ZDHHC7: variants seen among roughly 807,000 people sequenced by gnomAD.
ZDHHC7 encodes the protein palmitoyltransferase ZDHHC7.
A neutral mutation model predicts 34.1 loss-of-function variants in ZDHHC7; 12 were observed. That is an observed-to-expected ratio of 0.35 (90% CI 0.23 to 0.57). ZDHHC7 has a LOEUF of 0.57. Ranked by LOEUF, ZDHHC7 falls within the 20% of genes least tolerant of loss-of-function variation. The probability of loss-of-function intolerance (pLI) is 0.84; values close to 1 mark genes in which losing one functional copy is unlikely to be tolerated. For missense variants in ZDHHC7, 388 were observed against 402.7 expected, an observed-to-expected ratio of 0.96 and a Z score of 0.31; for synonymous variants, 185 against 155.4, an observed-to-expected ratio of 1.19 and a Z score of -1.42.
intron 1 of ZDHHC7, among the ~76,000 whole-genome samples, chr16:84,996,988 T>C (rs2072587397): frequency 1.3e-5 from 2 of 148,694 alleles, no homozygotes; most frequent in African/African-American, 5.0e-5. Flanking sequence ...ATGGCACCAC[T>C]GCACTCCAGC....
chr16:85,020,957 T>G, the ZDHHC7 span, among the ~76,000 whole-genome samples: 12 of 151,746 alleles, frequency 7.9e-5, no homozygotes, highest in African/African-American at 2.9e-4. Flanking sequence ...ATACAAAAAT[T>G]AGCCAGTTAA....
chr16:85,009,498 G>C (rs535961958), intron 1 of ZDHHC7, among the ~76,000 whole-genome samples: 1 of 150,976 alleles, frequency 6.6e-6, no homozygotes, highest in East Asian at 1.9e-4. Context: ...AATGGTAGCA[G>C]AAGAGTTCCC....
At chr16:84,993,108 A>G (rs1211730978) in intron 2 of ZDHHC7, among the ~76,000 whole-genome samples, 1 of 152,186 alleles carries the variant, frequency 6.6e-6, no homozygotes, top group Non-Finnish European at 1.5e-5. Context: ...GGATCATTTG[A>G]GCCCAGAAGT....
At chr16:84,983,783 C>T (rs892635948) in intron 3 of ZDHHC7, among the ~76,000 whole-genome samples, 20 of 151,838 alleles carry the variant, frequency 1.3e-4, no homozygotes, top group Middle Eastern at 3.4e-3. Flanking sequence ...GGGTGGATCA[C>T]GAGGTTAGGA....
intron 3 of ZDHHC7, among the ~76,000 whole-genome samples, chr16:84,983,523 TGA>T (rs1319385206): frequency 6.6e-6 from 1 of 152,056 alleles, no homozygotes; most frequent in East Asian, 1.9e-4. Flanking sequence ...AGGGCAAATG[TGA>T]GTGTTGACTG....
the ZDHHC7 span, among the ~76,000 whole-genome samples, chr16:85,018,284 A>T: frequency 5.3e-5 from 8 of 152,164 alleles, no homozygotes; most frequent in Admixed American, 4.6e-4. Context: ...AAAAGAGGCA[A>T]AACTGATCTT....
chr16:85,015,800 G>A (rs1032270234), upstream of ZDHHC7, among the ~76,000 whole-genome samples: 1 of 151,182 alleles, frequency 6.6e-6, no homozygotes, highest in South Asian at 2.1e-4. Flanking sequence ...TCCCACCACT[G>A]CACTCCAGCT....
At chr16:85,011,985 T>TGA (rs1435697569), upstream of ZDHHC7, among the ~76,000 whole-genome samples, 2 of 151,036 alleles carry the variant, frequency 1.3e-5, no homozygotes, top group Non-Finnish European at 2.9e-5. Flanking sequence ...GCCTGACTCC[T>TGA]GAGGTCCGCG....
chr16:84,986,447 T>G (rs1808958269), intron 3 of ZDHHC7, among the ~76,000 whole-genome samples: 1 of 152,122 alleles, frequency 6.6e-6, no homozygotes, highest in South Asian at 2.1e-4. Flanking sequence ...GAAGGCTACC[T>G]CCGGAAGGCA....
Position 84,990,595 on chromosome 16 carries a change from G to A in ZDHHC7, c.24C>T (p.Leu8=). The change falls in exon 3 of 8, where the codon CTC becomes CTT. Residue 8 remains leucine (L), a synonymous_variant. Coordinates refer to ENST00000313732, the MANE Select transcript of ZDHHC7 (RefSeq NM_017740.3). ...GGAGAGGATGATGCTCGACGTCCCGGAGCCTGTGTCCTGATGGCTGCATGA... is the reference window on the plus strand; with the variant it reads ...GGAGAGGATGATGCTCGACGTCCCGAAGCCTGTGTCCTGATGGCTGCATGA... The part of the protein sequence containing the change: MQPSGHR[L]RDVEHHPLLA... 1.2e-6 allele frequency: 2 copies of A among 1,613,942 alleles called. No individual in the cohort carries two copies. Among genetic ancestry groups the A allele is most frequent in the Non-Finnish European group, 1.7e-6 (2 of 1,180,008 alleles).
chr16:84,977,487 G>A lies in ZDHHC7; in HGVS notation c.620-262C>T, dbSNP rs139184480. 2.9e-3 allele frequency among the ~76,000 whole-genome samples: 443 copies of A among 152,326 alleles called. 2 individuals are homozygous for A. The highest frequency in any genetic ancestry group is 0.01 in the African/African-American group (426 of 41,572). ...AGGTTTCTATTGACACTGTATTTATGAATTAAATGGCAAATGAAGCCAGAC... is the reference window on the plus strand; with the variant it reads ...AGGTTTCTATTGACACTGTATTTATAAATTAAATGGCAAATGAAGCCAGAC... On this transcript the variant is annotated intron_variant, in intron 6 of 7. Transcript: ENST00000313732.
the ZDHHC7 span, among the ~76,000 whole-genome samples, chr16:85,021,883 G>A: frequency 5.3e-5 from 8 of 152,020 alleles, 1 homozygote; most frequent in African/African-American, 1.9e-4. Context: ...CAGGCCGGGC[G>A]CAGTGGCTCA....
intron 2 of ZDHHC7, among the ~76,000 whole-genome samples, chr16:84,991,132 G>A (rs925733809): frequency 3.9e-5 from 6 of 152,274 alleles, no homozygotes; most frequent in Middle Eastern, 3.4e-3. Flanking sequence ...TCTTTACACC[G>A]CCTCATACAC....
the ZDHHC7 span, among the ~76,000 whole-genome samples, chr16:85,017,771 TAA>T: frequency 6.6e-6 from 1 of 152,242 alleles, no homozygotes; most frequent in East Asian, 1.9e-4. Flanking sequence ...AATTTAAGGA[TAA>T]GTCAGAAAAT....
At chr16:85,001,680 A>C (rs923709776) in intron 1 of ZDHHC7, among the ~76,000 whole-genome samples, 4 of 152,146 alleles carry the variant, frequency 2.6e-5, no homozygotes, top group Non-Finnish European at 4.4e-5. Flanking sequence ...CTGTCAGCTG[A>C]GACGGCCTAG....
intron 2 of ZDHHC7, among the ~76,000 whole-genome samples, chr16:84,992,021 C>G (rs1307271742): frequency 6.6e-6 from 1 of 151,168 alleles, no homozygotes; most frequent in Non-Finnish European, 1.5e-5. Flanking sequence ...ACTAAAAATA[C>G]AAAAACCAGC....
chr16:85,024,846 A>G, the ZDHHC7 span, among the ~76,000 whole-genome samples: 1 of 152,228 alleles, frequency 6.6e-6, no homozygotes. Flanking sequence ...GGATGAACAC[A>G]CAGGTGCATC....
rs551074957 is a variant in ZDHHC7 at position 85,007,971 on chromosome 16, C to T, written c.-104+3315G>A. 3.2e-4 allele frequency among the ~76,000 whole-genome samples: 49 copies of T among 151,974 alleles called. 2 individuals are homozygous for T. The highest frequency in any genetic ancestry group is 1.1e-3 in the African/African-American group (45 of 41,340). On this transcript the variant is annotated intron_variant, in intron 1 of 7. Transcript: ENST00000313732. Reference sequence around the variant, plus strand: ...GACCCTATCTCTACAAAAAATAAGCCGGACAGGGTGGCGTACACCTGTGGT... The same window carrying T: ...GACCCTATCTCTACAAAAAATAAGCTGGACAGGGTGGCGTACACCTGTGGT...
intron 4 of ZDHHC7, 119 bp downstream of exon 4, chr16:84,981,751 C>T: frequency 1.9e-6 from 3 of 1,572,342 alleles, no homozygotes; most frequent in East Asian, 2.3e-5. Flanking sequence ...GCCCGTACAA[C>T]GTTGCCCAGA....
Sources: gnomAD v4.1 joint callset for allele counts (sites outside exome capture counted in the v4.1 genomes callset) on GRCh38, gnomAD v4.1.1 for gene constraint, MANE v1.5 for transcripts, NCBI Gene and HGNC (gene_info 2026-07-23, HGNC 2026-07-21) for gene names.